Variants in PNLIP observed in about 807,000 individuals in gnomAD.
PNLIP encodes the protein pancreatic lipase, also known as pancreatic triacylglycerol lipase.
Under a neutral mutation model 57.1 loss-of-function variants are expected in PNLIP, and 49 were observed. The observed-to-expected ratio is 0.86, with a 90% confidence interval of 0.68 to 1.09. The LOEUF is 1.09. Ranked by LOEUF, PNLIP falls within the 50% of genes least tolerant of loss-of-function variation. PNLIP has a pLI of 0.00. For synonymous variants in PNLIP, 209 were observed against 200.4 expected (o/e 1.04, Z -0.36); for missense variants, 503 against 570.2 (o/e 0.88, Z 1.20).
rs1847118669 is a variant in PNLIP at position 116,546,000 on chromosome 10, G to A, written c.-1+42G>A. The A allele has an allele frequency of 7.6e-6, 8 of 1,052,012 alleles. No homozygotes were observed. The East Asian group carries it at 1.7e-4, about 22-fold the overall frequency. 65.2% of individuals were successfully genotyped at this position (1,052,012 alleles called of 1,614,324 possible). On this transcript the variant is annotated intron_variant, in intron 1 of 12. Coordinates refer to ENST00000369221, the MANE Select transcript of PNLIP (RefSeq NM_000936.4). ...TTTTCCAGGCCTAATTGATCAGAATGTATCCATTTTCCCCCAGAGGTCTAA... is the reference window on the plus strand; with the variant it reads ...TTTTCCAGGCCTAATTGATCAGAATATATCCATTTTCCCCCAGAGGTCTAA...
chr10:116,555,005 T>C (rs1457813510), intron 6 of PNLIP, among the ~76,000 whole-genome samples, 173 bp from the exon 7 acceptor site: 1 of 152,192 alleles, frequency 6.6e-6, no homozygotes, highest in Non-Finnish European at 1.5e-5. Context: ...AGGCATATTG[T>C]TTGGTTTGGG....
At chr10:116,549,666 C>T (rs1414539174) in intron 4 of PNLIP, among the ~76,000 whole-genome samples, 1 of 152,110 alleles carries the variant, frequency 6.6e-6, no homozygotes, top group Non-Finnish European at 1.5e-5. Flanking sequence ...ACAACTTGTC[C>T]TCCAAAATAA....
In PNLIP at chr10:116,547,282, G is replaced by A. The variant is rs1434207842; in HGVS notation, c.47-12G>A. 6.2e-7 allele frequency: 1 copy of A among 1,612,910 alleles called. No individual in the cohort carries two copies. Among genetic ancestry groups the A allele is most frequent in the Admixed American group, 1.7e-5 (1 of 60,020 alleles). On this transcript the variant is annotated splice_polypyrimidine_tract_variant and intron_variant, in intron 2 of 12. Transcript: ENST00000369221. ...ATGTTTGTAAAACTAATATCCTTCT[G>A]GGGGATTGCAGGAAAAGAAGTTTGC...
chr10:116,560,672 G>A (rs1017377464), intron 11 of PNLIP, 148 bp downstream of exon 11: 2 of 454,278 alleles, frequency 4.4e-6, no homozygotes, highest in Admixed American at 4.1e-5. Flanking sequence ...CTGCCTCTAG[G>A]GTTCAAGCAA....
chr10:116,545,944 G>C lies in PNLIP; in HGVS notation c.-15G>C. 1.6e-6 allele frequency: 1 copy of C among 636,056 alleles called. No individual in the cohort carries two copies. The highest frequency in any genetic ancestry group is 2.1e-5 in the South Asian group (1 of 48,102). The allele number at this position is 636,056 out of a possible 1,614,324, so 39.4% of individuals were successfully genotyped here. A position where few individuals can be genotyped will look rare whatever the true frequency, so the allele number is the denominator to read the frequency against. ...TGCTATCTGGTTGCGTGTGGAACCT[G>C]ACGGAACTGCCACGGTGAGTCGGGA... On this transcript the variant is annotated 5_prime_UTR_variant, in exon 1 of 13. Coordinates refer to ENST00000369221, the MANE Select transcript of PNLIP (RefSeq NM_000936.4).
intron 12 of PNLIP, 72 bp from the exon 13 acceptor site, chr10:116,567,663 A>C: frequency 7.8e-7 from 1 of 1,286,266 alleles, no homozygotes; most frequent in South Asian, 1.2e-5. Flanking sequence ...GGGGGCATAG[A>C]TTGTCCTCAC....
At chr10:116,560,660 C>T in intron 11 of PNLIP, 136 bp downstream of exon 11, 1 of 485,284 alleles carries the variant, frequency 2.1e-6, no homozygotes, top group Non-Finnish European at 3.6e-6. Context: ...TCACTACAAC[C>T]TCTGCCTCTA....
chr10:116,563,010 G>A (rs1171549939), intron 12 of PNLIP, among the ~76,000 whole-genome samples: 1 of 152,034 alleles, frequency 6.6e-6, no homozygotes, highest in African/African-American at 2.4e-5. Context: ...AGATTCCCAG[G>A]TATATAAAGA....
In PNLIP at chr10:116,548,451, G is replaced by C. The variant is rs1438228056; in HGVS notation, c.293G>C (p.Gly98Ala). 6.2e-7 allele frequency: 1 copy of C among 1,614,028 alleles called. No individual in the cohort carries two copies. Among genetic ancestry groups the C allele is most frequent in the South Asian group, 1.1e-5 (1 of 91,056 alleles). ...RFIIHGFIDK[G>A]EENWLANVCK... ...ATTATTCATGGATTCATAGACAAGGGAGAAGAAAACTGGCTGGCCAATGTG... is the reference window on the plus strand; with the variant it reads ...ATTATTCATGGATTCATAGACAAGGCAGAAGAAAACTGGCTGGCCAATGTG... The change falls in exon 4 of 13, where the codon GGA becomes GCA. Residue 98 changes from glycine to alanine, a missense_variant. Transcript: ENST00000369221.
intron 1 of PNLIP, 52 bp downstream of exon 1, chr10:116,546,010 TC>T (rs756665380): frequency 6.8e-5 from 79 of 1,156,952 alleles, no homozygotes; most frequent in Non-Finnish European, 9.9e-5. Context: ...GTATCCATTT[TC>T]CCCCAGAGGT....
rs771357615 is a variant in PNLIP, at chr10:116,555,240, G to A, written c.634G>A (p.Asp212Asn). Residue 212 changes from aspartate to asparagine, a missense_variant, in exon 7 of 13, where the codon GAT becomes AAT. Transcript: ENST00000369221. The part of the protein sequence containing the change: ...TPELVRLDPS[D>N]AKFVDVIHTD... Reference sequence around the variant, plus strand: ...TGAATTAGTCCGATTGGACCCCAGCGATGCCAAATTTGTGGATGTAATTCA... The same window carrying A: ...TGAATTAGTCCGATTGGACCCCAGCAATGCCAAATTTGTGGATGTAATTCA... The A allele has an allele frequency of 2.8e-5, 45 of 1,614,030 alleles. No homozygotes were observed. The highest frequency in any genetic ancestry group is 2.6e-5 in the Non-Finnish European group (31 of 1,180,038).
intron 12 of PNLIP, among the ~76,000 whole-genome samples, chr10:116,565,053 C>T (rs112951970): frequency 2.0e-4 from 30 of 151,744 alleles, no homozygotes; most frequent in African/African-American, 7.0e-4. Context: ...GAGGTCAGAT[C>T]GAGACCATCA....
intron 12 of PNLIP, among the ~76,000 whole-genome samples, chr10:116,567,180 CTTTT>C (rs1376356025): frequency 1.5e-5 from 2 of 137,126 alleles, no homozygotes; most frequent in Admixed American, 7.5e-5. Context: ...CTCTTTCTTT[CTTTT>C]CTTTCTTTCC....
In PNLIP at chr10:116,546,120, C is replaced by A. The variant is rs1847120514; in HGVS notation, c.28C>A (p.Leu10Met). The change falls in exon 2 of 13, where the codon CTG becomes ATG. Residue 10 changes from leucine to methionine, a missense_variant. By Grantham distance (15) the Leu-to-Met change is conservative (BLOSUM62 2). Coordinates refer to ENST00000369221, the MANE Select transcript of PNLIP (RefSeq NM_000936.4). Reference sequence around the variant, plus strand: ...GCTGCCACTTTGGACTCTTTCACTGCTGCTGGGAGCAGTAGCAGGTAAGAA... The same window carrying A: ...GCTGCCACTTTGGACTCTTTCACTGATGCTGGGAGCAGTAGCAGGTAAGAA... The part of the protein sequence containing the change: MLPLWTLSL[L>M]LGAVAGKEVC... The A allele has an allele frequency of 1.2e-6, 2 of 1,613,450 alleles. No individual in the cohort carries two copies. Among genetic ancestry groups the A allele is most frequent in the Admixed American group, 3.3e-5 (2 of 59,982 alleles).
At chr10:116,551,696 A>T (rs1048701338) in intron 5 of PNLIP, among the ~76,000 whole-genome samples, 19 of 152,238 alleles carry the variant, frequency 1.2e-4, no homozygotes, top group African/African-American at 4.3e-4. Flanking sequence ...TACTTGCTTC[A>T]TCATCTCTGG....
intron 2 of PNLIP, 117 bp from the exon 3 acceptor site, chr10:116,547,177 G>A (rs1380021500): frequency 2.2e-6 from 2 of 907,046 alleles, no homozygotes; most frequent in Non-Finnish European, 3.6e-6. Flanking sequence ...CTAGGAGGGT[G>A]TTGAGAGTAG....
At position 116,564,987 on chromosome 10, in the gene PNLIP, G is replaced by A. The variant is rs1415804898; in HGVS notation, c.1335-2748G>A. 2.0e-5 allele frequency among the ~76,000 whole-genome samples: 3 copies of A among 152,050 alleles called. No individual in the cohort carries two copies. In the East Asian group the frequency reaches 5.8e-4, roughly 29 times the overall value. ...TAAAAAGAGCTAAAAGGGGCCGGGT[G>A]TGGTGGCTCACACCTGTAATCCCAG... On this transcript the variant is annotated intron_variant, in intron 12 of 12. Transcript: ENST00000369221.
chr10:116,560,768 G>A (rs947583810), intron 11 of PNLIP, among the ~76,000 whole-genome samples: 1 of 151,684 alleles, frequency 6.6e-6, no homozygotes. Flanking sequence ...AATTGAGATG[G>A]GGTTTCACCA....
chr10:116,564,213 A>C (rs1340449043), intron 12 of PNLIP, among the ~76,000 whole-genome samples: 1 of 152,206 alleles, frequency 6.6e-6, no homozygotes, highest in Non-Finnish European at 1.5e-5. Context: ...TCCATCTAAT[A>C]AAACTTCACT....
Sources: allele counts gnomAD v4.1 joint callset (sites outside exome capture counted in the v4.1 genomes callset), GRCh38; gene constraint gnomAD v4.1.1; transcripts MANE v1.5; gene names NCBI Gene and HGNC (gene_info 2026-07-23, HGNC 2026-07-21).